TMC1: variants seen among roughly 807,000 people sequenced by gnomAD.
TMC1 encodes transmembrane channel like 1.
In TMC1, 84 loss-of-function variants were observed where a neutral mutation model predicts 105.8. That is an observed-to-expected ratio of 0.79 (90% CI 0.67 to 0.95). The LOEUF (loss-of-function observed/expected upper bound fraction) is 0.95, where lower values mean the gene tolerates loss of function less well. Ranked by LOEUF, TMC1 falls within the 40% of genes least tolerant of loss-of-function variation. TMC1 has a pLI of 0.00. For missense variants in TMC1, 817 were observed against 914.1 expected (o/e 0.89, Z 1.37); for synonymous variants, 315 against 311.5 (o/e 1.01, Z -0.12).
chr9:72,554,959 A>C (rs1823906359), intron 1 of TMC1, among the ~76,000 whole-genome samples: 1 of 152,038 alleles, frequency 6.6e-6, no homozygotes, highest in South Asian at 2.1e-4. Context: ...GCTCACTGCA[A>C]TCTCTGCTGC....
Position 72,789,137 on chromosome 9 carries a change from A to G in TMC1, c.1044A>G (p.Glu348=). 1 of 1,612,682 alleles carries G rather than the reference A, an allele frequency of 6.2e-7. No individual in the cohort carries two copies. The highest frequency in any genetic ancestry group is 8.5e-7 in the Non-Finnish European group (1 of 1,179,904). The change falls in exon 15 of 24, where the codon GAA becomes GAG. Residue 348 remains glutamate, a synonymous_variant. Transcript: ENST00000297784. ...ITMNFKEAIT[E]EKAAQVEENV... is the part of the protein sequence containing the mutation. ...CATGGATACAGGAAGCTATCACAGA[A>G]GAAAAAGCAGCCCAAGTAGAAGAAA...
At chr9:72,548,266 T>C (rs1395496285) in intron 1 of TMC1, among the ~76,000 whole-genome samples, 1 of 152,256 alleles carries the variant, frequency 6.6e-6, no homozygotes. Context: ...TTATAGTGTA[T>C]TTATTATTAT....
chr9:72,578,447 C>T (rs1275130049), intron 2 of TMC1: 1 of 152,194 alleles, frequency 6.6e-6, no homozygotes, highest in Non-Finnish European at 1.5e-5. Context: ...CCTTCGCAAG[C>T]AATGAATCTG....
chr9:72,808,252 T>C (rs1261863019), intron 18 of TMC1, among the ~76,000 whole-genome samples: 4 of 152,234 alleles, frequency 2.6e-5, no homozygotes, highest in Non-Finnish European at 4.4e-5. Flanking sequence ...TGCTCAAACA[T>C]GGGCTGCTTT....
At chr9:72,755,113 A>G (rs1476253629) in intron 12 of TMC1, among the ~76,000 whole-genome samples, 3 of 148,618 alleles carry the variant, frequency 2.0e-5, no homozygotes, top group Non-Finnish European at 3.0e-5. Context: ...AGAAAGAAAG[A>G]GAAAGAAAGA....
At chr9:72,786,469 CAAAA>C (rs998610789) in intron 13 of TMC1, among the ~76,000 whole-genome samples, 3 of 151,486 alleles carry the variant, frequency 2.0e-5, no homozygotes, top group African/African-American at 7.3e-5. Flanking sequence ...AAAACAAAAA[CAAAA>C]CAAACAAAAA....
chr9:72,754,804 T>TA lies in TMC1; in HGVS notation c.662dup (p.Tyr221Ter). The change falls in exon 12 of 24, where the codon TAT becomes TAAT. Residue 221 changes from tyrosine (Y) to a stop codon, truncating the protein, a stop_gained and frameshift_variant. Transcript: ENST00000297784. LOFTEE classifies it high-confidence loss of function. The part of the protein sequence containing the change: ...MLPEYLWGLP[Y>*]GSLPRKTVPR... ...CATACAGTACCTCTGGGGTTTGCCA[T>TA]ATGGCAGTTTACCTAGGAAAACCGT... 6.2e-7 allele frequency: 1 copy of TA among 1,614,068 alleles called. No individual in the cohort carries two copies. Among genetic ancestry groups the TA allele is most frequent in the Non-Finnish European group, 8.5e-7 (1 of 1,179,914 alleles).
intron 2 of TMC1, among the ~76,000 whole-genome samples, chr9:72,592,250 A>C (rs1487535070): frequency 6.6e-6 from 1 of 152,198 alleles, no homozygotes; most frequent in Non-Finnish European, 1.5e-5. Context: ...AAAGCTACAC[A>C]TATATTTGAG....
chr9:72,637,115 C>CCGT (rs1825548985), intron 4 of TMC1, among the ~76,000 whole-genome samples: 1 of 151,742 alleles, frequency 6.6e-6, no homozygotes, highest in Non-Finnish European at 1.5e-5. Context: ...GTCAGCAGCC[C>CCGT]CGTATGGTTT....
At chr9:72,648,296 C>T (rs1334564436) in intron 4 of TMC1, among the ~76,000 whole-genome samples, 3 of 152,138 alleles carry the variant, frequency 2.0e-5, no homozygotes, top group African/African-American at 7.2e-5. Flanking sequence ...GAATGGAAGG[C>T]ATTAAAAATG....
intron 12 of TMC1, among the ~76,000 whole-genome samples, chr9:72,771,099 A>G (rs1312252131): frequency 6.6e-6 from 1 of 152,160 alleles, no homozygotes; most frequent in Non-Finnish European, 1.5e-5. Flanking sequence ...CTTAAACTGA[A>G]AAATGCAGAT....
At chr9:72,536,800 C>T (rs1228034122) in intron 1 of TMC1, among the ~76,000 whole-genome samples, 2 of 152,170 alleles carry the variant, frequency 1.3e-5, no homozygotes, top group African/African-American at 4.8e-5. Flanking sequence ...AATGCCTGTG[C>T]CTTTTTCAGG....
chr9:72,775,594 A>C (rs1170632446), intron 13 of TMC1, among the ~76,000 whole-genome samples: 1 of 152,208 alleles, frequency 6.6e-6, no homozygotes, highest in Non-Finnish European at 1.5e-5. Context: ...TCTTAATAAG[A>C]AACTCATAGC....
chr9:72,578,304 G>GTA (rs1554713078), intron 2 of TMC1: 36 of 137,888 alleles, frequency 2.6e-4, no homozygotes, highest in African/African-American at 9.3e-4. Context: ...GTGTGTGTGT[G>GTA]TATTTTCTGA....
At chr9:72,544,549 G>A (rs368806712) in intron 1 of TMC1, among the ~76,000 whole-genome samples, 3 of 143,104 alleles carry the variant, frequency 2.1e-5, no homozygotes, top group Non-Finnish European at 4.5e-5. Context: ...GTGCAATCTC[G>A]GCTCACTGCA....
chr9:72,715,427 T>G (rs1485054599), intron 8 of TMC1, among the ~76,000 whole-genome samples: 1 of 152,160 alleles, frequency 6.6e-6, no homozygotes, highest in Non-Finnish European at 1.5e-5. Context: ...TCTTTTCACA[T>G]GATCCCATAT....
chr9:72,744,889 A>G (rs2118033311), intron 10 of TMC1, among the ~76,000 whole-genome samples: 1 of 152,212 alleles, frequency 6.6e-6, no homozygotes, highest in East Asian at 1.9e-4. Flanking sequence ...AGTTACACAT[A>G]TGACCACCAT....
At chr9:72,752,001 C>A (rs554722114) in intron 11 of TMC1, 45 bp downstream of exon 11, 3 of 1,233,848 alleles carry the variant, frequency 2.4e-6, no homozygotes, top group South Asian at 2.4e-5. Context: ...AAAAATGTTT[C>A]TCCTAGAAAA....
intron 10 of TMC1, among the ~76,000 whole-genome samples, chr9:72,743,823 A>G (rs1827440655): frequency 6.6e-6 from 1 of 152,232 alleles, no homozygotes; most frequent in African/African-American, 2.4e-5. Context: ...TATTGTAAAT[A>G]AAAATAGTAA....
Sources: allele counts gnomAD v4.1 joint callset (sites outside exome capture counted in the v4.1 genomes callset), GRCh38; gene constraint gnomAD v4.1.1; transcripts MANE v1.5; gene names NCBI Gene and HGNC (gene_info 2026-07-23, HGNC 2026-07-21).